The following BLTP1 variants were observed in gnomAD, a reference collection of about 807,000 sequenced individuals.
BLTP1 encodes bridge-like lipid transfer protein family member 1.
the BLTP1 span, among the ~76,000 whole-genome samples, chr4:122,179,692 A>G: frequency 6.6e-6 from 1 of 152,186 alleles, no homozygotes; most frequent in African/African-American, 2.4e-5. Context: ...AGAGGCATAT[A>G]TATGCATACA....
the BLTP1 span, chr4:122,192,185 C>CTAAGGAAA: frequency 6.3e-7 from 1 of 1,589,220 alleles, no homozygotes; most frequent in Non-Finnish European, 8.6e-7. Context: ...TTTTTAATGG[C>CTAAGGAAA]CATTTTAAAT....
chr4:122,247,319 A>G, the BLTP1 span: 6 of 1,613,422 alleles, frequency 3.7e-6, no homozygotes, highest in African/African-American at 1.3e-5. Context: ...TTAAACATTC[A>G]TCGAGTTCAT....
chr4:122,153,756 C>T, the BLTP1 span, among the ~76,000 whole-genome samples: 1 of 152,178 alleles, frequency 6.6e-6, no homozygotes, highest in African/African-American at 2.4e-5. Flanking sequence ...AGGATTTGAT[C>T]TCTAGGACCT....
At chr4:122,345,151 T>G in the BLTP1 span, 1 of 571,342 alleles carries the variant, frequency 1.8e-6, no homozygotes, top group Non-Finnish European at 2.2e-6. Flanking sequence ...ATATTAAGCC[T>G]GTGTTTTAGG....
the BLTP1 span, chr4:122,197,128 T>G: frequency 7.5e-6 from 6 of 798,484 alleles, no homozygotes; most frequent in Non-Finnish European, 1.9e-6. Flanking sequence ...TAATAATAAC[T>G]GAAAAGTAAA....
At chr4:122,345,646 C>T in the BLTP1 span, among the ~76,000 whole-genome samples, 2 of 151,754 alleles carry the variant, frequency 1.3e-5, no homozygotes, top group Admixed American at 1.3e-4. Context: ...CTGATTATTT[C>T]GGCACTGAGA....
the BLTP1 span, chr4:122,298,892 T>G: frequency 1.0e-6 from 1 of 985,202 alleles, no homozygotes; most frequent in Non-Finnish European, 1.2e-6. Context: ...GAGATAAGAA[T>G]TGTGGGAGTA....
chr4:122,184,262 ATC>A, the BLTP1 span, among the ~76,000 whole-genome samples: 572 of 152,362 alleles, frequency 3.8e-3, 5 homozygotes, highest in African/African-American at 0.012. Flanking sequence ...AAGTTTAGCC[ATC>A]TCTGCAGTGT....
At chr4:122,180,251 T>G in the BLTP1 span, 5 of 874,336 alleles carry the variant, frequency 5.7e-6, no homozygotes, top group Non-Finnish European at 6.9e-6. Context: ...TTTTTTCATC[T>G]ATAAAATGAG....
At chr4:122,354,899 T>C in the BLTP1 span, among the ~76,000 whole-genome samples, 1 of 152,084 alleles carries the variant, frequency 6.6e-6, no homozygotes, top group East Asian at 1.9e-4. Flanking sequence ...ACTCCTGACC[T>C]CGTGATACAC....
At chr4:122,230,077 G>C in the BLTP1 span, 6 of 1,614,154 alleles carry the variant, frequency 3.7e-6, no homozygotes, top group South Asian at 6.6e-5. Flanking sequence ...CAGTGCTACG[G>C]AGGGCCTATT....
At chr4:122,320,866 T>C in the BLTP1 span, among the ~76,000 whole-genome samples, 4 of 152,124 alleles carry the variant, frequency 2.6e-5, no homozygotes, top group Admixed American at 2.6e-4. Flanking sequence ...CCTTTTCTCT[T>C]TGTTCCTGTC....
chr4:122,163,642 T>C, the BLTP1 span, among the ~76,000 whole-genome samples: 1 of 152,236 alleles, frequency 6.6e-6, no homozygotes, highest in Non-Finnish European at 1.5e-5. Flanking sequence ...CATCAACTTA[T>C]CAATTTACAC....
the BLTP1 span, chr4:122,351,334 C>G: frequency 2.1e-6 from 1 of 472,486 alleles, no homozygotes; most frequent in South Asian, 9.2e-5. Context: ...GCATACACCT[C>G]CAGATATTTT....
chr4:122,298,727 T>C, the BLTP1 span: 1 of 444,072 alleles, frequency 2.3e-6, no homozygotes, highest in Non-Finnish European at 3.0e-6. Flanking sequence ...TTAAGTAGTA[T>C]AAATAGAGGA....
the BLTP1 span, chr4:122,318,057 A>G: frequency 2.2e-6 from 3 of 1,344,188 alleles, no homozygotes; most frequent in Non-Finnish European, 3.0e-6. Flanking sequence ...CATCTTTGGT[A>G]TTCTGACAAG....
the BLTP1 span, chr4:122,347,321 T>A: frequency 5.7e-6 from 5 of 877,906 alleles, no homozygotes; most frequent in Admixed American, 2.5e-4. Flanking sequence ...CCAGAGGTCC[T>A]GTTTTGCTCT....
the BLTP1 span, chr4:122,192,461 T>G: frequency 2.1e-6 from 2 of 951,928 alleles, no homozygotes; most frequent in Non-Finnish European, 3.1e-6. Flanking sequence ...TAGCTTAAAA[T>G]TTTTATAAAC....
At chr4:122,325,813 T>G in the BLTP1 span, 837 of 999,112 alleles carry the variant, frequency 8.4e-4, 4 homozygotes, top group African/African-American at 0.011. Flanking sequence ...TTATTTTTCA[T>G]GAGTTTTTTT....
Sources: allele counts gnomAD v4.1 joint callset (sites outside exome capture counted in the v4.1 genomes callset), GRCh38; gene constraint gnomAD v4.1.1; transcripts MANE v1.5; gene names NCBI Gene and HGNC (gene_info 2026-07-23, HGNC 2026-07-21).